CMSS1: variants seen among roughly 807,000 people sequenced by gnomAD.
CMSS1 encodes the protein protein CMSS1.
A neutral mutation model predicts 43.5 loss-of-function variants in CMSS1; 33 were observed. The observed-to-expected ratio is 0.76, with a 90% CI of 0.57 to 1.01. CMSS1 has a LOEUF of 1.01. Among genes scored for constraint, CMSS1 ranks in the 50% least tolerant of loss-of-function variants. The pLI is 0.00. For missense variants in CMSS1, 313 were observed against 326.4 expected (o/e 0.96, Z 0.32); for synonymous variants, 115 against 117.2 (o/e 0.98, Z 0.12).
chr3:99,849,751 A>G (rs751665212), intron 1 of CMSS1: 3 of 1,613,486 alleles, frequency 1.9e-6, no homozygotes, highest in South Asian at 2.2e-5. Context: ...AATGGCTTTC[A>G]TGTCCTTTAG....
intron 1 of CMSS1, among the ~76,000 whole-genome samples, chr3:99,870,164 G>A (rs1944719777): frequency 6.6e-6 from 1 of 152,178 alleles, no homozygotes. Context: ...TACTTGGGGT[G>A]GATGACATTG....
At chr3:100,104,961 A>G (rs1220088981) in intron 1 of CMSS1, among the ~76,000 whole-genome samples, 1 of 152,080 alleles carries the variant, frequency 6.6e-6, no homozygotes, top group Non-Finnish European at 1.5e-5. Context: ...CATTAACTCT[A>G]ATCTTTCTGT....
chr3:99,887,438 C>T (rs1705939276), intron 1 of CMSS1, among the ~76,000 whole-genome samples: 1 of 152,114 alleles, frequency 6.6e-6, no homozygotes. Flanking sequence ...CAGAGCTGGG[C>T]CTCTGCAGGC....
chr3:99,950,122 G>A (rs1194710925), intron 1 of CMSS1, among the ~76,000 whole-genome samples: 1 of 152,178 alleles, frequency 6.6e-6, no homozygotes, highest in Non-Finnish European at 1.5e-5. Flanking sequence ...ACAAAAGTAG[G>A]TAAAGTTTAT....
chr3:100,070,996 T>C (rs772118525), intron 1 of CMSS1, among the ~76,000 whole-genome samples: 5 of 152,122 alleles, frequency 3.3e-5, no homozygotes, highest in Admixed American at 6.5e-5. Flanking sequence ...TTTTTTGTTT[T>C]GCTTTTAAGC....
At chr3:100,095,394 C>T (rs2066187340) in intron 1 of CMSS1, among the ~76,000 whole-genome samples, 1 of 151,954 alleles carries the variant, frequency 6.6e-6, no homozygotes, top group Admixed American at 6.6e-5. Context: ...TGAATTCAAC[C>T]AACTACATAT....
chr3:99,945,160 A>G (rs1420386628), intron 1 of CMSS1, among the ~76,000 whole-genome samples: 6 of 152,276 alleles, frequency 3.9e-5, no homozygotes, highest in South Asian at 2.1e-4. Flanking sequence ...ACTAGACCCT[A>G]TGAGTTCGGG....
Position 100,149,235 on chromosome 3 carries a change from A to G in CMSS1, c.153+2174A>G, listed in dbSNP as rs553303853. ...TAAGGCACACTGTAACATAATCCTC[A>G]CGGCATCCCTAGGAGGTAGGTGGTA... On this transcript the variant is annotated intron_variant, in intron 2 of 9. Transcript: ENST00000421999. 2.2e-4 allele frequency among the ~76,000 whole-genome samples: 33 copies of G among 152,204 alleles called. No individual in the cohort carries two copies. The South Asian group carries it at 6.0e-3, about 28-fold the overall frequency.
intron 1 of CMSS1, among the ~76,000 whole-genome samples, chr3:99,936,153 T>C (rs1707658892): frequency 6.6e-6 from 1 of 152,104 alleles, no homozygotes; most frequent in Non-Finnish European, 1.5e-5. Flanking sequence ...TTGTATCAAG[T>C]AAGTGAAAAG....
Position 100,078,302 on chromosome 3 carries a change from T to C in CMSS1, c.65-68671T>C, listed in dbSNP as rs539209580. 5.3e-5 allele frequency among the ~76,000 whole-genome samples: 8 copies of C among 152,302 alleles called. No individual in the cohort carries two copies. The East Asian group carries it at 1.5e-3, about 29-fold the overall frequency. On this transcript the variant is annotated intron_variant, in intron 1 of 9. Coordinates refer to ENST00000421999, the MANE Select transcript of CMSS1 (RefSeq NM_032359.4). ...TGCACCCTTGCATTTTAGCCAATAATTGATAAATCCAGAGAAAACGTAGAA... is the reference window on the plus strand; with the variant it reads ...TGCACCCTTGCATTTTAGCCAATAACTGATAAATCCAGAGAAAACGTAGAA...
chr3:100,008,243 C>T (rs994219866), intron 1 of CMSS1, among the ~76,000 whole-genome samples: 3 of 152,078 alleles, frequency 2.0e-5, no homozygotes, highest in Admixed American at 2.0e-4. Context: ...GTAACTACTC[C>T]ACCCCTGCTT....
At chr3:100,164,072 T>G (rs2067047294) in intron 4 of CMSS1, among the ~76,000 whole-genome samples, 1 of 152,084 alleles carries the variant, frequency 6.6e-6, no homozygotes, top group African/African-American at 2.4e-5. Context: ...ATTGAAGGAG[T>G]GCATTTGCAC....
chr3:99,863,660 T>C (rs754875901), intron 1 of CMSS1, among the ~76,000 whole-genome samples: 13 of 152,228 alleles, frequency 8.5e-5, no homozygotes, highest in East Asian at 1.9e-4. Context: ...ATTTCAATTA[T>C]GGATTTTTAG....
At chr3:100,144,551 G>A (rs1044398209) in intron 1 of CMSS1, among the ~76,000 whole-genome samples, 3 of 152,280 alleles carry the variant, frequency 2.0e-5, no homozygotes, top group Middle Eastern at 3.4e-3. Context: ...AGGAGATGGA[G>A]CCTTCAGGGG....
intron 1 of CMSS1, among the ~76,000 whole-genome samples, chr3:99,880,068 A>G (rs993829765): frequency 5.3e-5 from 8 of 151,952 alleles, no homozygotes; most frequent in Admixed American, 1.3e-4. Context: ...CTGTGCTTCT[A>G]CTCTCCGATC....
chr3:99,917,332 C>T (rs986680311), intron 1 of CMSS1, among the ~76,000 whole-genome samples: 1 of 152,146 alleles, frequency 6.6e-6, no homozygotes, highest in Non-Finnish European at 1.5e-5. Context: ...TGTCTTTTCA[C>T]CTGTATTTTA....
intron 1 of CMSS1, among the ~76,000 whole-genome samples, chr3:100,097,001 A>T (rs2066221198): frequency 6.6e-6 from 1 of 152,170 alleles, no homozygotes; most frequent in East Asian, 1.9e-4. Flanking sequence ...TGGGCCACAG[A>T]TCATACCACT....
intron 1 of CMSS1, among the ~76,000 whole-genome samples, chr3:99,969,789 A>G (rs898188400): frequency 1.3e-5 from 2 of 152,172 alleles, no homozygotes; most frequent in African/African-American, 4.8e-5. Flanking sequence ...AGGAATTTAT[A>G]GTTTATTGGA....
At chr3:99,838,913 T>C (rs1943010308) in intron 1 of CMSS1, among the ~76,000 whole-genome samples, 1 of 152,212 alleles carries the variant, frequency 6.6e-6, no homozygotes, top group Non-Finnish European at 1.5e-5. Context: ...TCCCTAGTGC[T>C]GTATTCATGG....
Sources: gnomAD v4.1 joint callset for allele counts (sites outside exome capture counted in the v4.1 genomes callset) on GRCh38, gnomAD v4.1.1 for gene constraint, MANE v1.5 for transcripts, NCBI Gene and HGNC (gene_info 2026-07-23, HGNC 2026-07-21) for gene names.